DYTN: variants seen among roughly 807,000 people sequenced by gnomAD.
DYTN encodes dystrotelin.
Under a neutral mutation model 69.6 loss-of-function variants are expected in DYTN, and 75 were observed. The ratio of observed to expected loss-of-function variants is 1.08; its 90% CI spans 0.89 to 1.31. DYTN has a LOEUF of 1.31. Ranked by LOEUF, DYTN falls within the 50% of genes most tolerant of loss-of-function variation. The pLI is 0.00. For missense variants in DYTN, 726 were observed against 688.4 expected, an observed-to-expected ratio of 1.05 and a Z score of -0.61; for synonymous variants, 252 against 249.1, an observed-to-expected ratio of 1.01 and a Z score of -0.11.
chr2:206,694,576 A>G (rs1699899577), intron 8 of DYTN, among the ~76,000 whole-genome samples, 190 bp downstream of exon 8: 2 of 152,222 alleles, frequency 1.3e-5, no homozygotes, highest in African/African-American at 4.8e-5. Flanking sequence ...CCACTGAGAC[A>G]TACAATGTGA....
intron 9 of DYTN, among the ~76,000 whole-genome samples, chr2:206,666,633 A>G (rs2105889310): frequency 6.6e-6 from 1 of 152,224 alleles, no homozygotes; most frequent in Non-Finnish European, 1.5e-5. Context: ...GAGGAAGAAT[A>G]TTGCAGTTCA....
intron 9 of DYTN, among the ~76,000 whole-genome samples, chr2:206,666,536 A>G (rs572269844): frequency 2.6e-5 from 4 of 152,108 alleles, no homozygotes; most frequent in Non-Finnish European, 5.9e-5. Context: ...GACTTTATAC[A>G]CTATCCTTTT....
At position 206,693,214 on chromosome 2, in the gene DYTN, T is replaced by G. The variant is rs772714364; in HGVS notation, c.941A>C (p.Gln314Pro). ...EAARRQQLLD[Q>P]VNPKGVPHHA... ...GTGAGGCACACCCTTTGGATTCACC[T>G]GGTCCAGCAGCTGCTGCCTTCTCGC... The change falls in exon 9 of 12, where the codon CAG becomes CCG. Residue 314 changes from glutamine (Q) to proline (P), a missense_variant. Gln to Pro is a moderately conservative substitution (Grantham distance 76, BLOSUM62 -1). Coordinates refer to ENST00000452335, the MANE Select transcript of DYTN (RefSeq NM_001093730.1). 1.2e-6 allele frequency: 2 copies of G among 1,613,230 alleles called. No individual in the cohort carries two copies. Among genetic ancestry groups the G allele is most frequent in the Non-Finnish European group, 8.5e-7 (1 of 1,179,800 alleles).
intron 11 of DYTN, among the ~76,000 whole-genome samples, chr2:206,654,902 GATC>G (rs1293017173): frequency 4.6e-5 from 7 of 152,182 alleles, no homozygotes; most frequent in Non-Finnish European, 1.0e-4. Flanking sequence ...GTACATATAA[GATC>G]ATGGCATATG....
At chr2:206,690,527 A>T (rs979959360) in intron 9 of DYTN, among the ~76,000 whole-genome samples, 2 of 152,182 alleles carry the variant, frequency 1.3e-5, no homozygotes, top group African/African-American at 4.8e-5. Flanking sequence ...GAAGCAGGGG[A>T]ACCAGTTAGG....
intron 1 of DYTN, among the ~76,000 whole-genome samples, chr2:206,715,706 T>C (rs1700121590): frequency 6.6e-6 from 1 of 152,148 alleles, no homozygotes; most frequent in Non-Finnish European, 1.5e-5. Context: ...CTGGAGAAAG[T>C]TCTTGGGGCT....
At chr2:206,711,995 A>G (rs1427662066) in intron 1 of DYTN, among the ~76,000 whole-genome samples, 3 of 149,866 alleles carry the variant, frequency 2.0e-5, no homozygotes, top group African/African-American at 7.4e-5. Flanking sequence ...TAGTCATATT[A>G]TCTTTAATGT....
At chr2:206,671,092 T>C (rs778041118) in intron 9 of DYTN, among the ~76,000 whole-genome samples, 1 of 152,328 alleles carries the variant, frequency 6.6e-6, no homozygotes, top group East Asian at 1.9e-4. Context: ...CTCTGCGCCC[T>C]GAACTGCAAC....
At chr2:206,685,400 C>T (rs1421986128) in intron 9 of DYTN, among the ~76,000 whole-genome samples, 3 of 151,984 alleles carry the variant, frequency 2.0e-5, no homozygotes, top group East Asian at 3.9e-4. Flanking sequence ...TGGGGTCAAG[C>T]GATCCTCCCA....
chr2:206,663,348 C>T lies in DYTN; in HGVS notation c.1188G>A (p.Val396=), dbSNP rs1337276822. ...TTGAAGAATGGTCAACCTTGTTCCC[C>T]ACATTTTGAAAGGAAGAAGATGAAG... The part of the protein sequence containing the change: ...PGPSSSSFQN[V]GNKVDHSSTE... The change falls in exon 11 of 12, where the codon GTG becomes GTA. Residue 396 remains valine (V), a synonymous_variant. Coordinates refer to ENST00000452335, the MANE Select transcript of DYTN (RefSeq NM_001093730.1). 2 of 1,611,432 alleles carry T rather than the reference C, an allele frequency of 1.2e-6. No individual in the cohort carries two copies. The highest frequency in any genetic ancestry group is 1.3e-5 in the African/African-American group (1 of 74,830).
chr2:206,712,633 T>A (rs973846168), intron 1 of DYTN, among the ~76,000 whole-genome samples: 1 of 152,228 alleles, frequency 6.6e-6, no homozygotes, highest in African/African-American at 2.4e-5. Flanking sequence ...AGGTAGTATA[T>A]GATGTAGCAA....
intron 11 of DYTN, among the ~76,000 whole-genome samples, chr2:206,658,280 A>C (rs1699471344): frequency 6.6e-6 from 1 of 151,944 alleles, no homozygotes; most frequent in African/African-American, 2.4e-5. Flanking sequence ...CATTTTTATG[A>C]TGGTTATTTT....
rs138851491 is a variant in DYTN at position 206,656,125 on chromosome 2, A to T, written c.1634-4204T>A. Among the ~76,000 whole-genome samples, 20 of 152,108 alleles carry T rather than the reference A, an allele frequency of 1.3e-4. No individual in the cohort carries two copies. The East Asian group carries it at 3.3e-3, about 25-fold the overall frequency. ...TCTATCACTGTCTATTTCTCCCTTCAGTTTTGTCAATAATTGCTTTATATA... is the reference window on the plus strand; with the variant it reads ...TCTATCACTGTCTATTTCTCCCTTCTGTTTTGTCAATAATTGCTTTATATA... On this transcript the variant is annotated intron_variant, in intron 11 of 11. Transcript: ENST00000452335.
chr2:206,659,786 G>C (rs1240225964), intron 11 of DYTN, among the ~76,000 whole-genome samples: 3 of 151,974 alleles, frequency 2.0e-5, no homozygotes, highest in East Asian at 1.9e-4. Context: ...ATTGAATAAC[G>C]ATATAAACAT....
At chr2:206,713,394 A>G (rs1003881243) in intron 1 of DYTN, among the ~76,000 whole-genome samples, 4 of 152,196 alleles carry the variant, frequency 2.6e-5, no homozygotes, top group African/African-American at 7.2e-5. Flanking sequence ...TTCTGCCACA[A>G]TCGCTGAAGT....
chr2:206,666,108 C>T (rs567426713), intron 9 of DYTN, 79 bp from the exon 10 acceptor site: 37 of 1,506,130 alleles, frequency 2.5e-5, no homozygotes, highest in South Asian at 9.3e-5. Flanking sequence ...AGATGTATTC[C>T]GGTCCTTTTT....
intron 7 of DYTN, among the ~76,000 whole-genome samples, chr2:206,696,337 CA>C (rs1427509840): frequency 6.6e-6 from 1 of 152,196 alleles, no homozygotes; most frequent in Non-Finnish European, 1.5e-5. Context: ...GGCCAGATGG[CA>C]GAAGGTCTGA....
intron 9 of DYTN, among the ~76,000 whole-genome samples, chr2:206,668,035 C>T (rs2105889799): frequency 6.6e-6 from 1 of 152,260 alleles, no homozygotes; most frequent in South Asian, 2.1e-4. Context: ...GAGTCTGACT[C>T]TAAAATCCTT....
chr2:206,708,587 A>G (rs1700049278), intron 2 of DYTN, among the ~76,000 whole-genome samples: 1 of 152,132 alleles, frequency 6.6e-6, no homozygotes, highest in African/African-American at 2.4e-5. Context: ...AAAACCTGTC[A>G]CCTCAGCCAG....
Sources: gnomAD v4.1 joint callset for allele counts (sites outside exome capture counted in the v4.1 genomes callset) on GRCh38, gnomAD v4.1.1 for gene constraint, MANE v1.5 for transcripts, NCBI Gene and HGNC (gene_info 2026-07-23, HGNC 2026-07-21) for gene names.